Variants in TNS3 observed in about 807,000 individuals in gnomAD.
The protein encoded by TNS3 is tensin 3.
A neutral mutation model predicts 140.9 loss-of-function variants in TNS3; 45 were observed. The ratio of observed to expected loss-of-function variants is 0.32; its 90% CI spans 0.25 to 0.41. The LOEUF is 0.41. Among genes scored for constraint, TNS3 ranks in the 10% least tolerant of loss-of-function variants. The pLI, the probability that TNS3 is intolerant of heterozygous loss-of-function variation, is 1.00. For missense variants in TNS3, 1,716 were observed against 1,906.7 expected (o/e 0.90, Z 1.86); for synonymous variants, 815 against 788.4 (o/e 1.03, Z -0.56).
intron 13 of TNS3, among the ~76,000 whole-genome samples, chr7:47,403,996 A>G (rs1793302244): frequency 6.6e-6 from 1 of 152,216 alleles, no homozygotes; most frequent in Non-Finnish European, 1.5e-5. Flanking sequence ...TTTTCCCTTC[A>G]TCCCTCCGGC....
chr7:47,364,200 T>C (rs1385099678), intron 17 of TNS3, among the ~76,000 whole-genome samples: 2 of 152,122 alleles, frequency 1.3e-5, no homozygotes, highest in African/African-American at 4.8e-5. Context: ...CAGTGTTTTC[T>C]ATACCTGCTA....
At chr7:47,384,669 G>A (rs183744891) in intron 16 of TNS3, among the ~76,000 whole-genome samples, 2 of 152,286 alleles carry the variant, frequency 1.3e-5, no homozygotes, top group East Asian at 1.9e-4. Context: ...TCTAGCAGCC[G>A]CTACAGCTCC....
Position 47,523,996 on chromosome 7 carries a change from G to C in TNS3, c.-153+5040C>G, listed in dbSNP as rs185264247. Among the ~76,000 whole-genome samples the C allele has an allele frequency of 2.2e-4, 34 of 152,276 alleles. No homozygotes were observed. In the East Asian group the frequency reaches 6.0e-3, roughly 27 times the overall value. On this transcript the variant is annotated intron_variant, in intron 2 of 30. Coordinates refer to ENST00000311160, the MANE Select transcript of TNS3 (RefSeq NM_022748.12). ...AAGAACACACATGCATGCACTGCAGGCACCCAGGCTGGAAAGGTGAACGCA... is the reference window on the plus strand; with the variant it reads ...AAGAACACACATGCATGCACTGCAGCCACCCAGGCTGGAAAGGTGAACGCA...
intron 4 of TNS3, among the ~76,000 whole-genome samples, chr7:47,474,598 T>A (rs1279060629): frequency 2.9e-4 from 26 of 88,864 alleles, no homozygotes; most frequent in Middle Eastern, 0.021. Context: ...AAGACACACC[T>A]CACACACAAA....
intron 3 of TNS3, 110 bp downstream of exon 3, chr7:47,506,795 TAA>T (rs1798432428): frequency 1.2e-6 from 1 of 809,746 alleles, no homozygotes; most frequent in East Asian, 6.4e-5. Context: ...CTGGCTTTCC[TAA>T]AGAGTTTTCT....
chr7:47,318,921 G>T (rs1787569078), intron 20 of TNS3, among the ~76,000 whole-genome samples: 1 of 152,246 alleles, frequency 6.6e-6, no homozygotes, highest in Admixed American at 6.5e-5. Flanking sequence ...CCACAGGACA[G>T]GAAGTCTTGA....
chr7:47,455,980 AGGCTCAAGCCCG>A (rs1463413928), intron 4 of TNS3, among the ~76,000 whole-genome samples: 2 of 152,220 alleles, frequency 1.3e-5, no homozygotes, highest in African/African-American at 2.4e-5. Context: ...CATGAGAAAG[AGGCTCAAGCCCG>A]GGCTCAAGGA....
chr7:47,388,617 C>A (rs959481166), intron 16 of TNS3, among the ~76,000 whole-genome samples: 1 of 152,196 alleles, frequency 6.6e-6, no homozygotes, highest in African/African-American at 2.4e-5. Flanking sequence ...GTAATCCCAG[C>A]ACTTTGGGAG....
intron 10 of TNS3, among the ~76,000 whole-genome samples, chr7:47,417,987 G>A (rs1349230431): frequency 3.3e-5 from 5 of 152,108 alleles, no homozygotes; most frequent in Non-Finnish European, 5.9e-5. Flanking sequence ...GAACATTCAG[G>A]TATGGATGAA....
intron 5 of TNS3, among the ~76,000 whole-genome samples, chr7:47,440,962 C>T (rs1795439053): frequency 6.6e-6 from 1 of 152,192 alleles, no homozygotes; most frequent in African/African-American, 2.4e-5. Flanking sequence ...CAACACACAG[C>T]TAACCTCTGT....
At chr7:47,565,481 C>A (rs140894122) in intron 1 of TNS3, among the ~76,000 whole-genome samples, 1 of 152,074 alleles carries the variant, frequency 6.6e-6, no homozygotes, top group African/African-American at 2.4e-5. Flanking sequence ...ATTCTCCTGC[C>A]TCAGCTTCCC....
chr7:47,316,527 G>A (rs923954691), intron 20 of TNS3, among the ~76,000 whole-genome samples: 1 of 150,884 alleles, frequency 6.6e-6, no homozygotes, highest in Non-Finnish European at 1.5e-5. Context: ...GTAGTGATTA[G>A]TTTTATTTTT....
intron 23 of TNS3, among the ~76,000 whole-genome samples, chr7:47,299,938 G>A (rs1786294008): frequency 6.6e-6 from 1 of 152,194 alleles, no homozygotes; most frequent in Non-Finnish European, 1.5e-5. Context: ...CCTGCATCTG[G>A]AGAAGCATCT....
chr7:47,506,412 C>G (rs1798419377), intron 3 of TNS3, among the ~76,000 whole-genome samples: 1 of 152,166 alleles, frequency 6.6e-6, no homozygotes. Flanking sequence ...AATTGAACCT[C>G]TCTAGAGACT....
chr7:47,362,687 ACT>A (rs1790404343), intron 17 of TNS3, among the ~76,000 whole-genome samples: 1 of 152,132 alleles, frequency 6.6e-6, no homozygotes, highest in South Asian at 2.1e-4. Context: ...AACAGTTCTT[ACT>A]ATTACCAACA....
chr7:47,304,214 C>A (rs778152002), intron 21 of TNS3, among the ~76,000 whole-genome samples: 1 of 152,170 alleles, frequency 6.6e-6, no homozygotes, highest in Non-Finnish European at 1.5e-5. Flanking sequence ...ACGGATACCA[C>A]AAAGACTACT....
intron 4 of TNS3, among the ~76,000 whole-genome samples, chr7:47,455,183 T>C (rs1308697248): frequency 6.6e-6 from 1 of 152,118 alleles, no homozygotes; most frequent in Non-Finnish European, 1.5e-5. Context: ...GAGATAGGTC[T>C]CTGGCCCTGC....
chr7:47,346,217 C>T lies in TNS3; in HGVS notation c.2421G>A (p.Pro807=), dbSNP rs778170043. 3.1e-6 allele frequency: 5 copies of T among 1,614,008 alleles called. No homozygotes were observed. Among genetic ancestry groups the T allele is most frequent in the East Asian group, 4.5e-5 (2 of 44,894 alleles). Residue 807 remains proline (P), a synonymous_variant, in exon 18 of 31, where the codon CCG becomes CCA. Coordinates refer to ENST00000311160, the MANE Select transcript of TNS3 (RefSeq NM_022748.12). ...KAGVDYAPNL[P]PFPSPADVKE... The stretch of plus-strand genomic sequence containing the variant: ...TGACGTCCGCTGGTGAGGGGAATGG[C>T]GGCAGGTTTGGGGCATAGTCCACAC...
chr7:47,580,774 A>G (rs527310716), intron 1 of TNS3, among the ~76,000 whole-genome samples: 13 of 152,352 alleles, frequency 8.5e-5, no homozygotes, highest in South Asian at 8.3e-4. Context: ...TTAAAAAATT[A>G]ATATGCACAG....
Sources: gnomAD v4.1 joint callset for allele counts (sites outside exome capture counted in the v4.1 genomes callset) on GRCh38, gnomAD v4.1.1 for gene constraint, MANE v1.5 for transcripts, NCBI Gene and HGNC (gene_info 2026-07-23, HGNC 2026-07-21) for gene names.